The following CBFA2T3 variants were observed in gnomAD, a reference collection of about 807,000 sequenced individuals.
CBFA2T3 encodes the protein CBFA2/RUNX1 partner transcriptional co-repressor 3, also known as transcriptional corepressor CBFA2T3.
Under a neutral mutation model 58.6 loss-of-function variants are expected in CBFA2T3, and 31 were observed. The observed-to-expected ratio is 0.53, with a 90% confidence interval of 0.40 to 0.71. The LOEUF is 0.71. CBFA2T3 is among the 30% of genes least tolerant of loss of function. CBFA2T3 has a pLI of 0.00. For missense variants in CBFA2T3, 1,076 were observed against 963.1 expected, an observed-to-expected ratio of 1.12 and a Z score of -1.55; for synonymous variants, 531 against 421.9, an observed-to-expected ratio of 1.26 and a Z score of -3.17.
chr16:88,942,002 C>G (rs999221795), intron 1 of CBFA2T3, among the ~76,000 whole-genome samples: 1 of 151,682 alleles, frequency 6.6e-6, no homozygotes, highest in South Asian at 2.1e-4. Flanking sequence ...GGGTCGCGCT[C>G]CCCCCGCTCA....
In CBFA2T3 at chr16:88,891,882, C is replaced by T; in HGVS notation, c.711G>A (p.Lys237=). ...PLRPFVIPFL[K]ANLPLLQREL... ...GCACGGGGGACGGGTTTCGCATTAC[C>T]TTCAGGAAGGGAATGACAAACGGCC... is the stretch of plus-strand genomic sequence containing the variant. Residue 237 remains lysine, a splice_region_variant and synonymous_variant, in exon 5 of 12, where the codon AAG becomes AAA. Transcript: ENST00000268679. 6.2e-7 allele frequency: 1 copy of T among 1,609,732 alleles called. No homozygotes were observed.
intron 3 of CBFA2T3, among the ~76,000 whole-genome samples, chr16:88,897,100 C>T (rs532799137): frequency 1.3e-5 from 2 of 152,348 alleles, no homozygotes; most frequent in Admixed American, 1.3e-4. Flanking sequence ...GGCACCCTAA[C>T]GCAGCCCCTC....
chr16:88,904,275 A>C (rs1970217489), intron 1 of CBFA2T3, among the ~76,000 whole-genome samples: 1 of 151,628 alleles, frequency 6.6e-6, no homozygotes, highest in Non-Finnish European at 1.5e-5. Flanking sequence ...CTGCAGGAAG[A>C]TCCTTCTCGG....
At chr16:88,933,985 G>C (rs1427626553) in intron 1 of CBFA2T3, among the ~76,000 whole-genome samples, 1 of 152,196 alleles carries the variant, frequency 6.6e-6, no homozygotes, top group Non-Finnish European at 1.5e-5. Context: ...ATCAGTGCAT[G>C]TCGAAAATAA....
chr16:88,880,945 C>G, intron 9 of CBFA2T3, 157 bp from the exon 10 acceptor site: 1 of 725,552 alleles, frequency 1.4e-6, no homozygotes, highest in Non-Finnish European at 2.4e-6. Flanking sequence ...GGCTCAGGCA[C>G]CCAGGGCAGT....
intron 1 of CBFA2T3, among the ~76,000 whole-genome samples, chr16:88,955,109 ACTCCTGACCCCACCCAAGG>A (rs1972184894): frequency 3.7e-4 from 1 of 2,732 alleles, no homozygotes; most frequent in Admixed American, 1.9e-3. Context: ...CTCAGCCAAG[ACTCCTGACCCCACCCAAGG>A]CTCCTGACCC....
intron 1 of CBFA2T3, among the ~76,000 whole-genome samples, chr16:88,975,340 C>G (rs1972828081): frequency 6.6e-6 from 1 of 150,458 alleles, no homozygotes; most frequent in South Asian, 2.1e-4. Flanking sequence ...CCACGGTAGA[C>G]ACCCCCGTCC....
At chr16:88,952,770 C>T (rs1166233245) in intron 1 of CBFA2T3, among the ~76,000 whole-genome samples, 1 of 152,182 alleles carries the variant, frequency 6.6e-6, no homozygotes, top group East Asian at 1.9e-4. Context: ...ACCCCCATGA[C>T]AGCCCATCAC....
rs774579712 is a variant in CBFA2T3 at position 88,891,908 on chromosome 16, G to T, written c.685C>A (p.Arg229=). 3 of 1,612,964 alleles carry T rather than the reference G, an allele frequency of 1.9e-6. No homozygotes were observed. Among genetic ancestry groups the T allele is most frequent in the Middle Eastern group, 1.7e-4 (1 of 5,972 alleles). ...KLQEATNFPL[R]PFVIPFLKAN... ...TTCAGGAAGGGAATGACAAACGGCC[G>T]CAGAGGGAAGTTGGTGGCCTCCTGA... Residue 229 remains arginine (R), a synonymous_variant, in exon 5 of 12, where the codon CGG becomes AGG. Transcript: ENST00000268679.
intron 5 of CBFA2T3, among the ~76,000 whole-genome samples, chr16:88,890,879 A>G (rs1969603402): frequency 6.6e-6 from 1 of 152,044 alleles, no homozygotes; most frequent in Non-Finnish European, 1.5e-5. Context: ...ACGCTCAGCT[A>G]ATTTTTATAT....
intron 1 of CBFA2T3, among the ~76,000 whole-genome samples, chr16:88,961,654 C>T (rs1219249711): frequency 8.2e-6 from 1 of 121,826 alleles, no homozygotes; most frequent in Non-Finnish European, 1.7e-5. Context: ...CGACACTCAG[C>T]GCTGGGCATT....
intron 1 of CBFA2T3, among the ~76,000 whole-genome samples, chr16:88,949,962 T>C (rs1972007736): frequency 6.6e-6 from 1 of 151,584 alleles, no homozygotes; most frequent in Non-Finnish European, 1.5e-5. Context: ...TGAGCCAAAA[T>C]GGTGCCACTG....
chr16:88,916,458 G>T (rs1970736405), intron 1 of CBFA2T3, among the ~76,000 whole-genome samples: 1 of 152,120 alleles, frequency 6.6e-6, no homozygotes, highest in East Asian at 1.9e-4. Context: ...GTGCACATGT[G>T]GGTGTATGTG....
chr16:88,882,430 TGTGGGTGTGGCTGTGTGC>T (rs1162491362), intron 8 of CBFA2T3, among the ~76,000 whole-genome samples: 2 of 149,702 alleles, frequency 1.3e-5, no homozygotes, highest in Admixed American at 6.6e-5. Context: ...TATGGCTGTG[TGTGGGTGTGGCTGTGTGC>T]GTGGGCGTGG....
intron 5 of CBFA2T3, among the ~76,000 whole-genome samples, chr16:88,890,851 G>A (rs951632322): frequency 3.3e-5 from 5 of 152,120 alleles, no homozygotes; most frequent in African/African-American, 1.2e-4. Context: ...CGGGTAGCTG[G>A]GATCATAGGT....
chr16:88,912,264 G>A (rs1324342730), intron 1 of CBFA2T3, among the ~76,000 whole-genome samples: 1 of 152,240 alleles, frequency 6.6e-6, no homozygotes, highest in African/African-American at 2.4e-5. Flanking sequence ...TCTCTGGATA[G>A]CTGCACCCTG....
chr16:88,901,194 C>T lies in CBFA2T3; in HGVS notation c.304+310G>A, dbSNP rs554381045. Among the ~76,000 whole-genome samples the T allele has an allele frequency of 2.6e-5, 4 of 152,362 alleles. No individual in the cohort carries two copies. The East Asian group carries it at 5.8e-4, about 22-fold the overall frequency. The stretch of plus-strand genomic sequence containing the variant: ...TGAGGCACAGCGGCCGGCTTTGACC[C>T]ATGGCCGGCCCTGGTGAAAGGCCTG... On this transcript the variant is annotated intron_variant, in intron 2 of 11. Coordinates refer to ENST00000268679, the MANE Select transcript of CBFA2T3 (RefSeq NM_005187.6).
chr16:88,902,780 G>GAGCA (rs1166731392), intron 1 of CBFA2T3, among the ~76,000 whole-genome samples: 1 of 152,200 alleles, frequency 6.6e-6, no homozygotes, highest in African/African-American at 2.4e-5. Flanking sequence ...CAGCGGCTTA[G>GAGCA]AGCAGCAAGG....
Position 88,891,987 on chromosome 16 carries a change from C to A in CBFA2T3, c.622-16G>T, listed in dbSNP as rs1327168060. 1.2e-6 allele frequency: 2 copies of A among 1,602,746 alleles called. No individual in the cohort carries two copies. The highest frequency in any genetic ancestry group is 1.7e-6 in the Non-Finnish European group (2 of 1,170,878). The stretch of plus-strand genomic sequence containing the variant: ...ATGTCGAGTTCTGCAGGGGAGAAAA[C>A]CCACCTCACATCAGCACCGCTCGGC... On this transcript the variant is annotated splice_polypyrimidine_tract_variant and intron_variant, in intron 4 of 11. Transcript: ENST00000268679.
Sources: gnomAD v4.1 joint callset for allele counts (sites outside exome capture counted in the v4.1 genomes callset) on GRCh38, gnomAD v4.1.1 for gene constraint, MANE v1.5 for transcripts, NCBI Gene and HGNC (gene_info 2026-07-23, HGNC 2026-07-21) for gene names.